The following R3HDM1 variants were observed in gnomAD, a reference collection of about 807,000 sequenced individuals.
R3HDM1 encodes the protein R3H domain-containing protein 1.
R3HDM1 carries 46 observed loss-of-function variants against 141.1 expected under a neutral mutation model. The ratio of observed to expected loss-of-function variants is 0.33; its 90% CI spans 0.26 to 0.42. The LOEUF (loss-of-function observed/expected upper bound fraction) is 0.42, where lower values mean the gene tolerates loss of function less well. R3HDM1 is among the 10% of genes least tolerant of loss of function. The pLI is 1.00. For missense variants in R3HDM1, 1,184 were observed against 1,368.3 expected, an observed-to-expected ratio of 0.87 and a Z score of 2.12; for synonymous variants, 435 against 472.9, an observed-to-expected ratio of 0.92 and a Z score of 1.04.
Position 135,621,573 on chromosome 2 carries a change from C to T in R3HDM1, c.383C>T (p.Ala128Val). 6.3e-7 allele frequency: 1 copy of T among 1,596,916 alleles called. No individual in the cohort carries two copies. The highest frequency in any genetic ancestry group is 8.5e-7 in the Non-Finnish European group (1 of 1,171,162). ...PSKDEAEKEK[A>V]SDKLPRKMLS... ...AAAGATGAAGCAGAAAAAGAAAAGG[C>T]CAGTGATAAGTTGCCCAGAAAAATG... is the stretch of plus-strand genomic sequence containing the variant. The change falls in exon 6 of 27, where the codon GCC (alanine) becomes GTC (valine). Residue 128 changes from alanine to valine, a missense_variant. Coordinates refer to ENST00000683871, the MANE Select transcript of R3HDM1 (RefSeq NM_001378107.1).
Position 135,641,754 on chromosome 2 carries a change from A to G in R3HDM1, c.1438A>G (p.Ile480Val). The G allele has an allele frequency of 6.2e-7, 1 of 1,614,144 alleles. No homozygotes were observed. The highest frequency in any genetic ancestry group is 1.1e-5 in the South Asian group (1 of 91,086). ...FFLLPLEAAG[I>V]PPGSILINPQ... Reference sequence around the variant, plus strand: ...TTTGCTTCCCTTGGAAGCGGCAGGCATACCACCTGGCAGTATTCTGATCAA... The same window carrying G: ...TTTGCTTCCCTTGGAAGCGGCAGGCGTACCACCTGGCAGTATTCTGATCAA... The change falls in exon 15 of 27, where the codon ATA becomes GTA. Residue 480 changes from isoleucine (I) to valine (V), a missense_variant. Physicochemically the swap from Ile to Val is conservative, Grantham distance 29. Coordinates refer to ENST00000683871, the MANE Select transcript of R3HDM1 (RefSeq NM_001378107.1).
At chr2:135,660,439 G>A (rs2066541325) in intron 18 of R3HDM1, among the ~76,000 whole-genome samples, 1 of 152,166 alleles carries the variant, frequency 6.6e-6, no homozygotes, top group Non-Finnish European at 1.5e-5. Context: ...GTCACATGAG[G>A]TCAGGTGTGG....
At chr2:135,690,550 C>A (rs1326216818) in intron 21 of R3HDM1, among the ~76,000 whole-genome samples, 1 of 152,120 alleles carries the variant, frequency 6.6e-6, no homozygotes, top group African/African-American at 2.4e-5. Context: ...TACCCTACAG[C>A]ATATCTGCAC....
rs148242451 is a variant in R3HDM1 at position 135,549,528 on chromosome 2, TCC to T, written c.-250+17896_-250+17897del. Reference sequence around the variant, plus strand: ...GTAAGCCGACATTGCGCCATTGCACTCCAGCCTGGGTGACAAGAGCGAAACTC... The same window carrying T: ...GTAAGCCGACATTGCGCCATTGCACTAGCCTGGGTGACAAGAGCGAAACTC... On this transcript the variant is annotated intron_variant, in intron 1 of 26. Transcript: ENST00000683871. Among the ~76,000 whole-genome samples, 436 of 127,960 alleles carry T rather than the reference TCC, an allele frequency of 3.4e-3. 2 individuals carry two copies. The highest frequency in any genetic ancestry group is 0.012 in the African/African-American group (384 of 31,714). 83.9% of individuals were successfully genotyped at this position (127,960 alleles called of 152,430 possible).
At chr2:135,706,966 G>A (rs1339339159) in intron 21 of R3HDM1, among the ~76,000 whole-genome samples, 2 of 151,952 alleles carry the variant, frequency 1.3e-5, no homozygotes, top group African/African-American at 2.4e-5. Flanking sequence ...GGGCAGAGGC[G>A]CCCCTCACCT....
chr2:135,566,842 G>T (rs970590284), intron 1 of R3HDM1: 1 of 845,498 alleles, frequency 1.2e-6, no homozygotes, highest in South Asian at 5.4e-5. Flanking sequence ...CATGATGGCG[G>T]GTACCTGTAA....
chr2:135,631,467 G>A (rs2062708494), intron 7 of R3HDM1, among the ~76,000 whole-genome samples: 1 of 151,506 alleles, frequency 6.6e-6, no homozygotes, highest in Admixed American at 6.6e-5. Flanking sequence ...TTGGGTGATG[G>A]GTACATCAAA....
chr2:135,721,819 C>G, intron 24 of R3HDM1, 105 bp from the exon 25 acceptor site: 1 of 885,398 alleles, frequency 1.1e-6, no homozygotes, highest in East Asian at 3.0e-5. Context: ...AACTCCTGGC[C>G]TTAAGTAATC....
chr2:135,576,326 G>T (rs1021516826), intron 1 of R3HDM1, among the ~76,000 whole-genome samples: 3 of 151,744 alleles, frequency 2.0e-5, no homozygotes, highest in African/African-American at 7.3e-5. Context: ...CCATGATAGT[G>T]CCACTGCACT....
In R3HDM1 at chr2:135,590,688, T is replaced by C. The variant is rs551329170; in HGVS notation, c.-249-11812T>C. ...AGTATGTAGTGTGAACTATGAGAGA[T>C]TGTGAGCTTTTTAGCAGTGTTCACC... On this transcript the variant is annotated intron_variant, in intron 1 of 26. Transcript: ENST00000683871. 9.1e-6 allele frequency: 9 copies of C among 985,398 alleles called. No individual in the cohort carries two copies. In the African/African-American group the frequency reaches 1.0e-4, roughly 11 times the overall value. The allele number at this position is 985,398 out of a possible 1,614,324, so 61.0% of individuals were successfully genotyped here. A position where few individuals can be genotyped will look rare whatever the true frequency, so the allele number is the denominator to read the frequency against.
intron 1 of R3HDM1, among the ~76,000 whole-genome samples, chr2:135,601,167 TTTTTG>T (rs1414188734): frequency 6.6e-6 from 1 of 152,156 alleles, no homozygotes; most frequent in South Asian, 2.1e-4. Flanking sequence ...ACTTGAAGGA[TTTTTG>T]TTTTGTTTTG....
At chr2:135,566,679 G>A in intron 1 of R3HDM1, 1 of 885,524 alleles carries the variant, frequency 1.1e-6, no homozygotes. Context: ...TAATTAGAAG[G>A]CTGTTTGGTG....
chr2:135,638,833 AT>A (rs761480974), intron 13 of R3HDM1, 44 bp downstream of exon 13: 165 of 1,611,606 alleles, frequency 1.0e-4, no homozygotes, highest in African/African-American at 2.4e-4. Context: ...AAATTAAAGC[AT>A]TTTTTTCTTT....
chr2:135,675,946 A>G, intron 20 of R3HDM1, among the ~76,000 whole-genome samples: 1 of 152,200 alleles, frequency 6.6e-6, no homozygotes, highest in Non-Finnish European at 1.5e-5. Context: ...AGAATAGGGA[A>G]GTATGTGCAG....
intron 19 of R3HDM1, among the ~76,000 whole-genome samples, chr2:135,664,717 G>T (rs2105316788): frequency 6.6e-6 from 1 of 152,312 alleles, no homozygotes; most frequent in East Asian, 1.9e-4. Flanking sequence ...CTAGTCTTTT[G>T]TTATGAATGT....
At chr2:135,645,327 A>G in intron 15 of R3HDM1, 52 bp from the exon 16 acceptor site, 5 of 1,478,950 alleles carry the variant, frequency 3.4e-6, no homozygotes, top group Non-Finnish European at 4.6e-6. Context: ...AAAAGGACCT[A>G]TTTTCCACCT....
intron 25 of R3HDM1, 117 bp downstream of exon 25, chr2:135,722,123 A>G (rs1356436407): frequency 1.0e-6 from 1 of 975,636 alleles, no homozygotes; most frequent in East Asian, 2.5e-5. Flanking sequence ...TCTGTGCCTC[A>G]GCCAGTTGGT....
chr2:135,541,436 C>G (rs1225908071), intron 1 of R3HDM1, among the ~76,000 whole-genome samples: 1 of 152,076 alleles, frequency 6.6e-6, no homozygotes, highest in Non-Finnish European at 1.5e-5. Context: ...TCTTGATCTC[C>G]TGACCTCGTG....
chr2:135,708,328 A>C (rs2075194501), intron 21 of R3HDM1, among the ~76,000 whole-genome samples: 1 of 152,130 alleles, frequency 6.6e-6, no homozygotes, highest in South Asian at 2.1e-4. Flanking sequence ...TTTGTCTTAG[A>C]GTTTCCCATA....
Sources: allele counts gnomAD v4.1 joint callset (sites outside exome capture counted in the v4.1 genomes callset), GRCh38; gene constraint gnomAD v4.1.1; transcripts MANE v1.5; gene names NCBI Gene and HGNC (gene_info 2026-07-23, HGNC 2026-07-21).